Variants in GRIK4 observed in about 807,000 individuals in gnomAD.
GRIK4 encodes glutamate ionotropic receptor kainate type subunit 4.
GRIK4 carries 40 observed loss-of-function variants against 104.9 expected under a neutral mutation model. That is an observed-to-expected ratio of 0.38 (90% confidence interval 0.30 to 0.50). The LOEUF is 0.50. Among genes scored for constraint, GRIK4 ranks in the 20% least tolerant of loss-of-function variants. GRIK4 has a pLI of 0.93. For synonymous variants in GRIK4, 485 were observed against 524.9 expected, an observed-to-expected ratio of 0.92 and a Z score of 1.04; for missense variants, 1,047 against 1,308.1, an observed-to-expected ratio of 0.80 and a Z score of 3.08.
intron 11 of GRIK4, among the ~76,000 whole-genome samples, chr11:120,887,168 C>T (rs1421289178): frequency 6.6e-6 from 1 of 152,196 alleles, no homozygotes; most frequent in Non-Finnish European, 1.5e-5. Context: ...CCTGTTTCTA[C>T]CTTCATTTCG....
At chr11:120,733,606 C>T (rs2846125) in intron 3 of GRIK4, among the ~76,000 whole-genome samples, 113,798 of 151,944 alleles carry the variant, frequency 0.75, 42,992 homozygotes, top group Middle Eastern at 0.85. Flanking sequence ...AGAAAACTAA[C>T]AAAAACTCTA....
At chr11:120,735,794 C>T (rs146920312) in intron 3 of GRIK4, among the ~76,000 whole-genome samples, 2 of 152,164 alleles carry the variant, frequency 1.3e-5, no homozygotes, top group African/African-American at 2.4e-5. Flanking sequence ...GGCAGAGGAG[C>T]CTTTCCTCAT....
Position 120,758,491 on chromosome 11 carries a change from G to A in GRIK4, c.83-44202G>A, listed in dbSNP as rs116496783. On this transcript the variant is annotated intron_variant, in intron 3 of 20. Transcript: ENST00000527524. ...TTTTATATATATTCACCTCTTAGAG[G>A]CTCATAACCAGGGCTCCAGCATTGC... 3.8e-3 allele frequency among the ~76,000 whole-genome samples: 577 copies of A among 152,236 alleles called. 4 individuals are homozygous for A. Among genetic ancestry groups the A allele is most frequent in the African/African-American group, 0.013 (545 of 41,520 alleles).
At chr11:120,592,412 G>C (rs552693579) in intron 1 of GRIK4, among the ~76,000 whole-genome samples, 1 of 152,144 alleles carries the variant, frequency 6.6e-6, no homozygotes, top group Non-Finnish European at 1.5e-5. Context: ...CTTTAATGAC[G>C]AACCCTGAGA....
At chr11:120,881,489 T>C (rs1398220586) in intron 11 of GRIK4, among the ~76,000 whole-genome samples, 5 of 152,168 alleles carry the variant, frequency 3.3e-5, no homozygotes, top group African/African-American at 9.7e-5. Flanking sequence ...AGCCAGACTT[T>C]TGTTTTCCAA....
At chr11:120,725,413 G>A (rs1951011794) in intron 3 of GRIK4, among the ~76,000 whole-genome samples, 1 of 152,222 alleles carries the variant, frequency 6.6e-6, no homozygotes, top group Admixed American at 6.5e-5. Flanking sequence ...GATGACTAGT[G>A]TTGCCAAGGA....
chr11:120,614,984 G>A (rs1399301946), intron 1 of GRIK4, among the ~76,000 whole-genome samples: 1 of 152,170 alleles, frequency 6.6e-6, no homozygotes, highest in Non-Finnish European at 1.5e-5. Context: ...GGGCAACAAA[G>A]CAAGACTCAA....
chr11:120,678,066 C>T (rs958710786), intron 3 of GRIK4, among the ~76,000 whole-genome samples: 1 of 152,218 alleles, frequency 6.6e-6, no homozygotes, highest in Non-Finnish European at 1.5e-5. Flanking sequence ...ATCTATTACA[C>T]TAGACTCCTC....
At chr11:120,928,069 G>A (rs903399742) in intron 13 of GRIK4, among the ~76,000 whole-genome samples, 3 of 151,986 alleles carry the variant, frequency 2.0e-5, no homozygotes, top group Non-Finnish European at 4.4e-5. Flanking sequence ...ACAAAAATTA[G>A]CCGGGCATGG....
At chr11:120,678,679 G>T (rs1288649107) in intron 3 of GRIK4, among the ~76,000 whole-genome samples, 1 of 151,722 alleles carries the variant, frequency 6.6e-6, no homozygotes, top group East Asian at 1.9e-4. Context: ...CGTCATCCAG[G>T]CTGGAGTAAA....
rs184480691 is a variant in GRIK4, at chr11:120,846,254, A to G, written c.744+9410A>G. On this transcript the variant is annotated intron_variant, in intron 8 of 20. Transcript: ENST00000527524. ...ATGATTAGCCAGCTATGATTAAGCA[A>G]TTTGCATATGGAAAATGCTACCATC... Among the ~76,000 whole-genome samples the G allele has an allele frequency of 4.5e-4, 68 of 152,348 alleles. 1 individual carries two copies. The highest frequency in any genetic ancestry group is 1.6e-3 in the African/African-American group (66 of 41,582).
In GRIK4 at chr11:120,967,931, C is replaced by G. The variant is rs1197079455; in HGVS notation, c.2395+608C>G. ...CGAAGAGCTCTTCACTCCCACCCTA[C>G]ACATTTCTCTCCATCACCTTAACCC... On this transcript the variant is annotated intron_variant, in intron 19 of 20. Transcript: ENST00000527524. The surrounding 1 kb of genome is among the most constrained non-coding windows in gnomAD (Gnocchi z 4.2). 2.0e-5 allele frequency among the ~76,000 whole-genome samples: 3 copies of G among 152,182 alleles called. No individual in the cohort carries two copies. The highest frequency in any genetic ancestry group is 7.2e-5 in the African/African-American group (3 of 41,438).
intron 13 of GRIK4, among the ~76,000 whole-genome samples, chr11:120,918,018 T>G (rs946759240): frequency 6.6e-6 from 1 of 152,188 alleles, no homozygotes; most frequent in Non-Finnish European, 1.5e-5. Context: ...ACAGACAATG[T>G]GATCTTAATG....
At chr11:120,519,889 T>TTTTG (rs1555132646) in intron 1 of GRIK4, among the ~76,000 whole-genome samples, 13 of 146,580 alleles carry the variant, frequency 8.9e-5, no homozygotes, top group African/African-American at 2.3e-4. Flanking sequence ...TGTTTTTTTT[T>TTTTG]TTGTTGTTGT....
chr11:120,621,776 C>T (rs1433618091), intron 1 of GRIK4, among the ~76,000 whole-genome samples: 1 of 152,196 alleles, frequency 6.6e-6, no homozygotes, highest in Non-Finnish European at 1.5e-5. Context: ...TTTTGACATA[C>T]TGTCATCCGT....
intron 1 of GRIK4, among the ~76,000 whole-genome samples, chr11:120,539,794 G>T (rs574313897): frequency 6.6e-6 from 1 of 152,314 alleles, no homozygotes; most frequent in East Asian, 1.9e-4. Context: ...TGCCAGGATG[G>T]CTTAATGGAG....
intron 1 of GRIK4, among the ~76,000 whole-genome samples, chr11:120,649,011 G>A (rs1949580301): frequency 6.6e-6 from 1 of 152,200 alleles, no homozygotes; most frequent in African/African-American, 2.4e-5. Flanking sequence ...CCAGGGCCTT[G>A]CCCCAAGCAG....
At position 120,590,091 on chromosome 11, in the gene GRIK4, C is replaced by T. The variant is rs534322951; in HGVS notation, c.-158-63594C>T. On this transcript the variant is annotated intron_variant, in intron 1 of 20. Transcript: ENST00000527524. ...CTGGGAAGGAGGGTGTGTTTCAATG[C>T]GTTTTTCATCCATGAAGGATTCCTT... Among the ~76,000 whole-genome samples, 11 of 152,314 alleles carry T rather than the reference C, an allele frequency of 7.2e-5. No individual in the cohort carries two copies. The South Asian group carries it at 1.0e-3, about 14-fold the overall frequency.
rs1214014023 is a variant in GRIK4, at chr11:120,889,619, T to TA, written c.1165-8912dup. ...TTTTTTTTTTTTTTTTTTTTTTTTT[T>TA]ATGAGATGGAGTTTTACTCTTGTTG... On this transcript the variant is annotated intron_variant, in intron 11 of 20. Transcript: ENST00000527524. Among the ~76,000 whole-genome samples, 8 of 138,824 alleles carry TA rather than the reference T, an allele frequency of 5.8e-5. No homozygotes were observed. In the East Asian group the frequency reaches 6.1e-4, roughly 11 times the overall value. The allele number at this position is 138,824 out of a possible 152,430, so 91.1% of individuals were successfully genotyped here. A position where few individuals can be genotyped will look rare whatever the true frequency, so the allele number is the denominator to read the frequency against.
Sources: allele counts gnomAD v4.1 joint callset (sites outside exome capture counted in the v4.1 genomes callset), GRCh38; gene constraint gnomAD v4.1.1; non-coding constraint Gnocchi (gnomAD v3.1); transcripts MANE v1.5; gene names NCBI Gene and HGNC (gene_info 2026-07-23, HGNC 2026-07-21).